SLC2A13: variants seen among roughly 807,000 people sequenced by gnomAD.
The protein encoded by SLC2A13 is solute carrier family 2 member 13.
SLC2A13 carries 32 observed loss-of-function variants against 64.4 expected under a neutral mutation model. The observed-to-expected ratio is 0.50, with a 90% CI of 0.37 to 0.67. SLC2A13 has a LOEUF of 0.67. Ranked by LOEUF, SLC2A13 falls within the 30% of genes least tolerant of loss-of-function variation. The pLI, the probability that SLC2A13 is intolerant of heterozygous loss-of-function variation, is 0.00. For synonymous variants in SLC2A13, 338 were observed against 327.1 expected (o/e 1.03, Z -0.36); for missense variants, 743 against 829.2 (o/e 0.90, Z 1.28).
intron 6 of SLC2A13, among the ~76,000 whole-genome samples, chr12:39,844,241 T>C (rs1037574208): frequency 1.3e-5 from 2 of 152,084 alleles, no homozygotes; most frequent in African/African-American, 4.8e-5. Flanking sequence ...CTTTTCTACT[T>C]ATTGAGAACT....
chr12:39,818,758 G>A (rs1332124414), intron 7 of SLC2A13, among the ~76,000 whole-genome samples: 2 of 152,110 alleles, frequency 1.3e-5, no homozygotes, highest in Non-Finnish European at 2.9e-5. Context: ...AAATGTAGAT[G>A]TTTCATATAC....
intron 1 of SLC2A13, among the ~76,000 whole-genome samples, chr12:40,096,151 G>C (rs1008510608): frequency 3.3e-5 from 5 of 150,318 alleles, no homozygotes; most frequent in African/African-American, 7.4e-5. Flanking sequence ...GGATGGTCTC[G>C]ATCTCCTGAC....
chr12:39,872,592 C>T (rs1374868503), intron 4 of SLC2A13, among the ~76,000 whole-genome samples: 3 of 152,146 alleles, frequency 2.0e-5, no homozygotes, highest in Non-Finnish European at 4.4e-5. Flanking sequence ...AGACTCATTT[C>T]GTGCTAAGTG....
At chr12:39,899,531 T>C (rs1450344149) in intron 4 of SLC2A13, among the ~76,000 whole-genome samples, 1 of 152,176 alleles carries the variant, frequency 6.6e-6, no homozygotes, top group African/African-American at 2.4e-5. Context: ...AGCTTTTGAA[T>C]GTGTTTGCTC....
intron 3 of SLC2A13, among the ~76,000 whole-genome samples, chr12:40,015,180 A>T (rs1026302781): frequency 1.3e-5 from 2 of 152,186 alleles, no homozygotes; most frequent in African/African-American, 4.8e-5. Flanking sequence ...AAAAAAAAAA[A>T]ATTCCAAGGA....
intron 4 of SLC2A13, among the ~76,000 whole-genome samples, chr12:39,919,827 G>A (rs1353443694): frequency 1.3e-5 from 2 of 152,072 alleles, no homozygotes; most frequent in African/African-American, 4.8e-5. Context: ...TCCAAGTCCA[G>A]ATATTTTGTG....
intron 3 of SLC2A13, among the ~76,000 whole-genome samples, chr12:39,978,745 G>A (rs1025550897): frequency 7.9e-5 from 12 of 152,206 alleles, no homozygotes; most frequent in African/African-American, 1.7e-4. Context: ...AAGGCTGGGG[G>A]AGAGGCGCCC....
chr12:39,821,314 G>A (rs1436550728), intron 7 of SLC2A13, among the ~76,000 whole-genome samples: 1 of 152,080 alleles, frequency 6.6e-6, no homozygotes, highest in Non-Finnish European at 1.5e-5. Context: ...GGAGGCTGAG[G>A]CAGGAGAATG....
chr12:40,078,158 T>C (rs924871642), intron 1 of SLC2A13, among the ~76,000 whole-genome samples: 1 of 152,196 alleles, frequency 6.6e-6, no homozygotes, highest in African/African-American at 2.4e-5. Flanking sequence ...TCTTGCATGA[T>C]TGCTCTGGCT....
chr12:39,891,103 C>T (rs948945293), intron 4 of SLC2A13, among the ~76,000 whole-genome samples: 1 of 143,790 alleles, frequency 7.0e-6, no homozygotes, highest in African/African-American at 2.6e-5. Context: ...AAGAATCTCT[C>T]AAAGTTTCAA....
At chr12:39,961,624 G>A (rs1275099501) in intron 3 of SLC2A13, among the ~76,000 whole-genome samples, 3 of 151,324 alleles carry the variant, frequency 2.0e-5, no homozygotes, top group South Asian at 2.1e-4. Context: ...TCAACCTCCC[G>A]AGTAGTTGAG....
chr12:39,866,540 G>A (rs909360816), intron 5 of SLC2A13, among the ~76,000 whole-genome samples: 3 of 151,896 alleles, frequency 2.0e-5, no homozygotes, highest in South Asian at 4.1e-4. Context: ...GTGCAGTGGC[G>A]CGATCTCGGC....
chr12:39,794,957 G>T (rs1427577236), intron 7 of SLC2A13, among the ~76,000 whole-genome samples: 1 of 152,054 alleles, frequency 6.6e-6, no homozygotes, highest in Non-Finnish European at 1.5e-5. Context: ...TGTTTTTTAA[G>T]ATTTTCTCCT....
chr12:39,923,310 C>T (rs1945648570), intron 4 of SLC2A13, among the ~76,000 whole-genome samples: 1 of 152,138 alleles, frequency 6.6e-6, no homozygotes, highest in Non-Finnish European at 1.5e-5. Flanking sequence ...CAATGTAATA[C>T]TATTCACCTA....
intron 7 of SLC2A13, among the ~76,000 whole-genome samples, chr12:39,796,833 T>G (rs577909219): frequency 6.6e-6 from 1 of 152,256 alleles, no homozygotes; most frequent in Admixed American, 6.5e-5. Flanking sequence ...TTAATAATGA[T>G]AATGCTGCCA....
chr12:39,761,751 A>C (rs916135279), intron 9 of SLC2A13, among the ~76,000 whole-genome samples: 1 of 152,080 alleles, frequency 6.6e-6, no homozygotes, highest in African/African-American at 2.4e-5. Context: ...AGTAATTATG[A>C]TGAAGATAAA....
chr12:39,758,137 T>C lies in SLC2A13; in HGVS notation c.*1889A>G, dbSNP rs1036908844. ...ATACTAATATTCCCTTGGAAATCAA[T>C]TGTTAAAGCACCTAATTCAAGGAAA... On this transcript the variant is annotated 3_prime_UTR_variant, in exon 10 of 10. Transcript: ENST00000280871. The C allele has an allele frequency of 3.3e-5, 5 of 151,768 alleles. No individual in the cohort carries two copies. Among genetic ancestry groups the C allele is most frequent in the South Asian group, 2.1e-4 (1 of 4,820 alleles). The allele number at this position is 151,768 out of a possible 1,614,324, so 9.4% of individuals were successfully genotyped here.
chr12:40,099,130 C>T lies in SLC2A13; in HGVS notation c.556+6123G>A, dbSNP rs546567466. On this transcript the variant is annotated intron_variant, in intron 1 of 9. Transcript: ENST00000280871. ...CTCTCAACTTGAGTTTAGAAGTACCCGTAAAACTTTTTTCTCTCTTTCTAC... is the reference window on the plus strand; with the variant it reads ...CTCTCAACTTGAGTTTAGAAGTACCTGTAAAACTTTTTTCTCTCTTTCTAC... Among the ~76,000 whole-genome samples, 254 of 152,170 alleles carry T rather than the reference C, an allele frequency of 1.7e-3. 1 individual carries two copies. The highest frequency in any genetic ancestry group is 2.0e-3 in the Non-Finnish European group (133 of 68,008).
intron 2 of SLC2A13, among the ~76,000 whole-genome samples, chr12:40,046,970 C>T (rs1948181051): frequency 6.6e-6 from 1 of 151,538 alleles, no homozygotes; most frequent in African/African-American, 2.4e-5. Flanking sequence ...GGTACACTCT[C>T]AGCTCACTGC....
Sources: allele counts gnomAD v4.1 joint callset (sites outside exome capture counted in the v4.1 genomes callset), GRCh38; gene constraint gnomAD v4.1.1; transcripts MANE v1.5; gene names NCBI Gene and HGNC (gene_info 2026-07-23, HGNC 2026-07-21).